Variants in WDR26 observed in about 807,000 individuals in gnomAD.
WDR26 encodes the protein WD repeat domain 26.
WDR26 carries 5 observed loss-of-function variants against 84.1 expected under a neutral mutation model. The observed-to-expected ratio is 0.06, with a 90% CI of 0.03 to 0.13. The LOEUF is 0.13. WDR26 is among the 10% of genes least tolerant of loss of function. WDR26 has a pLI of 1.00. For synonymous variants in WDR26, 415 were observed against 389.6 expected, an observed-to-expected ratio of 1.07 and a Z score of -0.77; for missense variants, 642 against 974.9, an observed-to-expected ratio of 0.66 and a Z score of 4.55.
chr1:224,414,782 T>C (rs1457198590), intron 6 of WDR26, among the ~76,000 whole-genome samples: 3 of 151,770 alleles, frequency 2.0e-5, no homozygotes, highest in African/African-American at 7.3e-5. Flanking sequence ...GAGTTTGAGA[T>C]TGGCCTGGGC....
At chr1:224,394,535 C>T (rs1673207491) in intron 12 of WDR26, among the ~76,000 whole-genome samples, 5 of 150,994 alleles carry the variant, frequency 3.3e-5, no homozygotes, top group Admixed American at 2.6e-4. Context: ...GACGGAGTCT[C>T]ACTCTGTTGC....
chr1:224,389,028 CAT>C lies in WDR26; in HGVS notation c.*805_*806del, dbSNP rs555289762. 86 of 152,694 alleles carry C rather than the reference CAT, an allele frequency of 5.6e-4. No homozygotes were observed. The highest frequency in any genetic ancestry group is 2.0e-3 in the African/African-American group (84 of 41,544). The allele number at this position is 152,694 out of a possible 1,614,324, so 9.5% of individuals were successfully genotyped here. On this transcript the variant is annotated 3_prime_UTR_variant, in exon 14 of 14. Transcript: ENST00000414423. ...CCAAGCACTGTTTCTGACCATGTCT[CAT>C]GTGGTATTCCAGAAGAGCATCAGTT... is the stretch of plus-strand genomic sequence containing the variant.
chr1:224,387,802 TTAAC>T lies in WDR26; in HGVS notation c.*2029_*2032del, dbSNP rs1301150424. ...GAATCACTTAAAATATGAATGGTTT[TTAAC>T]TATACTGAGGTAAAGAGAAGTTGCC... is the stretch of plus-strand genomic sequence containing the variant. On this transcript the variant is annotated 3_prime_UTR_variant, in exon 14 of 14. Coordinates refer to ENST00000414423, the MANE Select transcript of WDR26 (RefSeq NM_001379403.1). 1.3e-5 allele frequency: 2 copies of T among 152,626 alleles called. No homozygotes were observed. The highest frequency in any genetic ancestry group is 4.8e-5 in the African/African-American group (2 of 41,440). 9.5% of individuals were successfully genotyped at this position (152,626 alleles called of 1,614,324 possible).
In WDR26 at chr1:224,424,568, A is replaced by G. The variant is rs1315626507; in HGVS notation, c.1014T>C (p.Cys338=). Residue 338 remains cysteine (C), a synonymous_variant, in exon 4 of 14, where the codon TGT becomes TGC. Transcript: ENST00000414423. ...TATTGTATTTCAGCGGCGTCAATTC[A>G]CAGCGTAGAACTTGAAGTGCCTCCA... 1 of 1,614,146 alleles carries G rather than the reference A, an allele frequency of 6.2e-7. No individual in the cohort carries two copies. Among genetic ancestry groups the G allele is most frequent in the East Asian group, 2.2e-5 (1 of 44,880 alleles).
At chr1:224,407,151 A>AAAAAGAATATATATATATAT in intron 7 of WDR26, among the ~76,000 whole-genome samples, 2 of 11,876 alleles carry the variant, frequency 1.7e-4, no homozygotes, top group African/African-American at 3.9e-4. Context: ...AAAAAAAAAA[A>AAAAAGAATATATATATATAT]ATATATATAT....
chr1:224,432,646 C>A (rs2102927503), intron 1 of WDR26, among the ~76,000 whole-genome samples: 1 of 152,274 alleles, frequency 6.6e-6, no homozygotes, highest in Admixed American at 6.5e-5. Flanking sequence ...AATACTTGTG[C>A]CACTTTTAAA....
At chr1:224,410,303 GGAAAAGAAAA>G (rs1394488602) in intron 7 of WDR26, among the ~76,000 whole-genome samples, 10 of 146,198 alleles carry the variant, frequency 6.8e-5, no homozygotes, top group Non-Finnish European at 1.2e-4. Context: ...AAAAAAAAGA[GGAAAAGAAAA>G]GAAAAGAAAA....
At chr1:224,423,896 T>TA (rs1558441424) in intron 4 of WDR26, among the ~76,000 whole-genome samples, 1 of 152,174 alleles carries the variant, frequency 6.6e-6, no homozygotes, top group Non-Finnish European at 1.5e-5. Context: ...AGATAGAGAA[T>TA]AAAGAGGCCC....
intron 5 of WDR26, 43 bp downstream of exon 5, chr1:224,419,475 A>G (rs367707141): frequency 7.1e-7 from 1 of 1,417,272 alleles, no homozygotes; most frequent in Non-Finnish European, 1.0e-6. Flanking sequence ...TCCATTTGTA[A>G]TCTAAGAGAA....
intron 3 of WDR26, 164 bp downstream of exon 3, chr1:224,431,311 GAA>G (rs1446797513): frequency 5.2e-5 from 30 of 573,984 alleles, no homozygotes; most frequent in Non-Finnish European, 8.6e-5. Flanking sequence ...TGATTTTAAA[GAA>G]ATAAAACTCA....
In WDR26 at chr1:224,401,694, A is replaced by AAG. The variant is rs1673422637; in HGVS notation, c.1600-626_1600-625insCT. The stretch of plus-strand genomic sequence containing the variant: ...CTCAAAAAAAAAAAAAAAAAAGAAA[A>AAG]AAAAAAAGAAAAAAGAAAAAAAAAG... On this transcript the variant is annotated intron_variant, in intron 8 of 13. Coordinates refer to ENST00000414423, the MANE Select transcript of WDR26 (RefSeq NM_001379403.1). Among the ~76,000 whole-genome samples, 7 of 89,408 alleles carry AAG rather than the reference A, an allele frequency of 7.8e-5. 1 individual carries two copies. The highest frequency in any genetic ancestry group is 1.7e-4 in the African/African-American group (4 of 23,258). 58.7% of individuals were successfully genotyped at this position (89,408 alleles called of 152,430 possible).
chr1:224,424,495 G>C (rs1397402402), intron 4 of WDR26, 23 bp downstream of exon 4: 1 of 1,612,376 alleles, frequency 6.2e-7, no homozygotes, highest in Non-Finnish European at 8.5e-7. Flanking sequence ...ATTAACCTGA[G>C]TTCAAGAACT....
At chr1:224,419,847 GTTATATA>G (rs779791504) in intron 4 of WDR26, among the ~76,000 whole-genome samples, 8 of 146,122 alleles carry the variant, frequency 5.5e-5, no homozygotes, top group Non-Finnish European at 1.0e-4. Flanking sequence ...TTATGTTATT[GTTATATA>G]TTATATATAT....
intron 3 of WDR26, among the ~76,000 whole-genome samples, chr1:224,428,584 T>C (rs116199005): frequency 2.3e-3 from 345 of 152,224 alleles, no homozygotes; most frequent in African/African-American, 7.7e-3. Flanking sequence ...TGGCGAAGTA[T>C]ATTTGAACCC....
chr1:224,407,304 G>A (rs1673608911), intron 7 of WDR26, among the ~76,000 whole-genome samples: 1 of 98,078 alleles, frequency 1.0e-5, no homozygotes, highest in East Asian at 2.0e-4. Flanking sequence ...GAAATAACAT[G>A]TTTGTGGAGC....
At chr1:224,423,001 T>C (rs1442633604) in intron 4 of WDR26, among the ~76,000 whole-genome samples, 1 of 152,226 alleles carries the variant, frequency 6.6e-6, no homozygotes, top group Non-Finnish European at 1.5e-5. Context: ...TCCTAAATTA[T>C]TCTTTTTTAT....
chr1:224,410,698 T>C (rs527256588), intron 7 of WDR26, among the ~76,000 whole-genome samples: 337 of 146,442 alleles, frequency 2.3e-3, no homozygotes, highest in African/African-American at 6.0e-3. Context: ...TTCTTTCTTT[T>C]TTTTTTTTTT....
In WDR26 at chr1:224,432,454, C is replaced by A. The variant is rs1674419758; in HGVS notation, c.723-673G>T. Among the ~76,000 whole-genome samples, 3 of 152,310 alleles carry A rather than the reference C, an allele frequency of 2.0e-5. No individual in the cohort carries two copies. In the Middle Eastern group the frequency reaches 0.01, roughly 518 times the overall value. On this transcript the variant is annotated intron_variant, in intron 1 of 13. Transcript: ENST00000414423. The stretch of plus-strand genomic sequence containing the variant: ...TAGGGAATAAAGTGAATTCTTCCTA[C>A]CACATATTTGTCTTTGAGCACTTAA...
intron 5 of WDR26, among the ~76,000 whole-genome samples, chr1:224,418,916 A>G (rs1421884213): frequency 6.6e-6 from 1 of 152,242 alleles, no homozygotes; most frequent in Middle Eastern, 3.2e-3. Flanking sequence ...GTGTGAATTC[A>G]GGGAGTAACT....
Sources: gnomAD v4.1 joint callset for allele counts (sites outside exome capture counted in the v4.1 genomes callset) on GRCh38, gnomAD v4.1.1 for gene constraint, MANE v1.5 for transcripts, NCBI Gene and HGNC (gene_info 2026-07-23, HGNC 2026-07-21) for gene names.